AP4E1: variants seen among roughly 807,000 people sequenced by gnomAD.
The protein encoded by AP4E1 is adaptor related protein complex 4 subunit epsilon 1.
In AP4E1, 56 loss-of-function variants were observed where a neutral mutation model predicts 128.2. The ratio of observed to expected loss-of-function variants is 0.44; its 90% CI spans 0.35 to 0.55. AP4E1 has a LOEUF of 0.55. Among genes scored for constraint, AP4E1 ranks in the 20% least tolerant of loss-of-function variants. The pLI, the probability that AP4E1 is intolerant of heterozygous loss-of-function variation, is 0.00. For synonymous variants in AP4E1, 484 were observed against 473.1 expected, an observed-to-expected ratio of 1.02 and a Z score of -0.30; for missense variants, 1,324 against 1,307.7, an observed-to-expected ratio of 1.01 and a Z score of -0.19.
At chr15:50,915,254 G>A (rs539981788) in intron 2 of AP4E1, among the ~76,000 whole-genome samples, 194 bp from the exon 3 acceptor site, 1 of 152,262 alleles carries the variant, frequency 6.6e-6, no homozygotes, top group African/African-American at 2.4e-5. Context: ...TTTACTAAAA[G>A]TAATACTGTT....
chr15:50,927,682 TG>T (rs1370481441), intron 5 of AP4E1, among the ~76,000 whole-genome samples: 11 of 152,098 alleles, frequency 7.2e-5, no homozygotes, highest in Non-Finnish European at 1.6e-4. Context: ...TTTTTTTTTT[TG>T]TGAAGAGTTT....
intron 15 of AP4E1, among the ~76,000 whole-genome samples, chr15:50,973,122 A>T (rs1383989796): frequency 6.6e-6 from 1 of 152,188 alleles, no homozygotes; most frequent in Non-Finnish European, 1.5e-5. Context: ...ATAAAGGGAG[A>T]TCAGTGAATA....
chr15:50,908,551 C>G (rs1596446894), upstream of AP4E1: 1 of 481,366 alleles, frequency 2.1e-6, no homozygotes, highest in Non-Finnish European at 3.5e-6. Context: ...GGTCTACTTA[C>G]GCGCGCAATC....
intron 15 of AP4E1, among the ~76,000 whole-genome samples, chr15:50,972,585 T>G (rs544336621): frequency 5.6e-4 from 86 of 152,268 alleles, no homozygotes; most frequent in Non-Finnish European, 1.1e-3. Flanking sequence ...GAGTTTGTGG[T>G]GATGGTGGTG....
chr15:50,921,156 G>A (rs1386491190), intron 3 of AP4E1, among the ~76,000 whole-genome samples: 1 of 151,150 alleles, frequency 6.6e-6, no homozygotes, highest in Non-Finnish European at 1.5e-5. Flanking sequence ...CTTTTTTTAA[G>A]TTATTATTTT....
At chr15:50,958,004 T>C (rs568014122) in intron 13 of AP4E1, among the ~76,000 whole-genome samples, 61 of 152,178 alleles carry the variant, frequency 4.0e-4, no homozygotes, top group South Asian at 8.3e-4. Context: ...TTCTGTGGAA[T>C]GTCTACATCA....
At chr15:50,934,551 G>C (rs756945413) in intron 7 of AP4E1, 73 bp from the exon 8 acceptor site, 2 of 979,126 alleles carry the variant, frequency 2.0e-6, no homozygotes, top group East Asian at 2.5e-5. Context: ...CAGTTTTAAA[G>C]AGAAGTTTGA....
rs16953045 is a variant in AP4E1 at position 50,958,925 on chromosome 15, T to G, written c.1851+131T>G. On this transcript the variant is annotated intron_variant, in intron 14 of 20. Coordinates refer to ENST00000261842, the MANE Select transcript of AP4E1 (RefSeq NM_007347.5). ...CATTTAAGGTGAATGTTGGAGTTCC[T>G]TTTCACATTAGTATGACAGGGAATC... 0.16 allele frequency: 158,949 copies of G among 983,042 alleles called. 13,575 individuals are homozygous for G. Among genetic ancestry groups the G allele is most frequent in the South Asian group, 0.19 (14,114 of 73,384 alleles). 60.9% of individuals were successfully genotyped at this position (983,042 alleles called of 1,614,324 possible).
intron 13 of AP4E1, among the ~76,000 whole-genome samples, chr15:50,957,011 A>G (rs1403906444): frequency 2.0e-5 from 3 of 152,070 alleles, no homozygotes; most frequent in African/African-American, 7.2e-5. Flanking sequence ...GCCCCATGGC[A>G]GCATCTAGTG....
intron 14 of AP4E1, among the ~76,000 whole-genome samples, chr15:50,966,232 A>C (rs2064390214): frequency 6.6e-6 from 1 of 152,106 alleles, no homozygotes; most frequent in African/African-American, 2.4e-5. Flanking sequence ...AAAACTTTCA[A>C]AGGTAATTAG....
intron 7 of AP4E1, among the ~76,000 whole-genome samples, chr15:50,933,886 A>T (rs1035754976): frequency 6.7e-6 from 1 of 150,334 alleles, no homozygotes; most frequent in African/African-American, 2.4e-5. Flanking sequence ...TGTTGCTGGT[A>T]TTTTTTTTTT....
At chr15:50,917,142 T>G (rs1386805809) in intron 3 of AP4E1, among the ~76,000 whole-genome samples, 2 of 152,200 alleles carry the variant, frequency 1.3e-5, no homozygotes, top group African/African-American at 4.8e-5. Flanking sequence ...TTCTCTTCTT[T>G]GGTTTGGTTT....
At position 50,908,747 on chromosome 15, in the gene AP4E1, G is replaced by GGGCGGCGGCGGCATCGCGGGC; in HGVS notation, c.-21_-1dup. On this transcript the variant is annotated 5_prime_UTR_variant, in exon 1 of 21. Coordinates refer to ENST00000261842, the MANE Select transcript of AP4E1 (RefSeq NM_007347.5). Reference sequence around the variant, plus strand: ...TGAAGCCGGGCGGCTACGGGATCGCGGGCGGCGGCGGCATCGCGGGCGGCG... The same window carrying GGGCGGCGGCGGCATCGCGGGC: ...TGAAGCCGGGCGGCTACGGGATCGCGGGCGGCGGCGGCATCGCGGGCGGCGGCGGCGGCATCGCGGGCGGCG... 1 of 1,503,390 alleles carries GGGCGGCGGCGGCATCGCGGGC rather than the reference G, an allele frequency of 6.7e-7. No individual in the cohort carries two copies. 93.1% of individuals were successfully genotyped at this position (1,503,390 alleles called of 1,614,324 possible). A position where few individuals can be genotyped will look rare whatever the true frequency, so the allele number is the denominator to read the frequency against.
intron 5 of AP4E1, among the ~76,000 whole-genome samples, chr15:50,927,096 A>T (rs8035358): frequency 3.3e-5 from 5 of 152,084 alleles, no homozygotes; most frequent in Middle Eastern, 6.8e-3. Context: ...CTGATTATAA[A>T]AGCAGCATAT....
chr15:50,987,362 T>C (rs895246257), intron 16 of AP4E1, among the ~76,000 whole-genome samples: 1 of 152,208 alleles, frequency 6.6e-6, no homozygotes, highest in African/African-American at 2.4e-5. Flanking sequence ...ATGTGTTTGC[T>C]CTTGCTTCTC....
intron 8 of AP4E1, among the ~76,000 whole-genome samples, chr15:50,938,445 G>A (rs1036650115): frequency 1.3e-5 from 2 of 152,056 alleles, no homozygotes; most frequent in African/African-American, 2.4e-5. Context: ...CAGGTATAAT[G>A]ACATGCCCCA....
chr15:50,946,466 C>T (rs906443667), intron 10 of AP4E1, among the ~76,000 whole-genome samples: 8 of 151,846 alleles, frequency 5.3e-5, no homozygotes, highest in South Asian at 2.1e-4. Flanking sequence ...TTTGGCTTTT[C>T]GACTCTTACA....
At chr15:50,964,985 A>ACACG (rs2064368650) in intron 14 of AP4E1, among the ~76,000 whole-genome samples, 1 of 151,258 alleles carries the variant, frequency 6.6e-6, no homozygotes, top group African/African-American at 2.4e-5. Flanking sequence ...ACACACACAC[A>ACACG]CACACACTGG....
chr15:50,950,427 C>T (rs953039157), intron 13 of AP4E1, among the ~76,000 whole-genome samples: 14 of 151,838 alleles, frequency 9.2e-5, no homozygotes, highest in Non-Finnish European at 1.6e-4. Context: ...TATGTGCATC[C>T]GTGTTTGAAT....
Sources: allele counts gnomAD v4.1 joint callset (sites outside exome capture counted in the v4.1 genomes callset), GRCh38; gene constraint gnomAD v4.1.1; transcripts MANE v1.5; gene names NCBI Gene and HGNC (gene_info 2026-07-23, HGNC 2026-07-21).